The following IFT80 variants were observed in gnomAD, a reference collection of about 807,000 sequenced individuals.
IFT80 encodes intraflagellar transport 80, also known as intraflagellar transport protein 80 homolog.
Under a neutral mutation model 107.9 loss-of-function variants are expected in IFT80, and 79 were observed. That is an observed-to-expected ratio of 0.73 (90% CI 0.61 to 0.88). The LOEUF (loss-of-function observed/expected upper bound fraction) is 0.88. IFT80 is among the 40% of genes least tolerant of loss of function. IFT80 has a pLI of 0.00. For missense variants in IFT80, 797 were observed against 914.2 expected (o/e 0.87, Z 1.65); for synonymous variants, 299 against 300.9 (o/e 0.99, Z 0.07).
At chr3:160,370,740 C>T (rs546941178) in intron 5 of IFT80, among the ~76,000 whole-genome samples, 9 of 152,280 alleles carry the variant, frequency 5.9e-5, no homozygotes, top group Non-Finnish European at 1.2e-4. Context: ...TCAAGTTCTA[C>T]ATATCCAAAA....
At chr3:160,368,057 C>T (rs1263341668) in intron 5 of IFT80, among the ~76,000 whole-genome samples, 2 of 151,782 alleles carry the variant, frequency 1.3e-5, no homozygotes, top group Non-Finnish European at 2.9e-5. Context: ...TTCTGTGAAT[C>T]AACGAATCAA....
rs530736462 is a variant in IFT80 at position 160,257,289 on chromosome 3, TTGTG to T, written c.*1232_*1235del. 1 of 151,762 alleles carries T rather than the reference TTGTG, an allele frequency of 6.6e-6. No homozygotes were observed. Among genetic ancestry groups the T allele is most frequent in the African/African-American group, 2.4e-5 (1 of 41,310 alleles). 9.4% of individuals were successfully genotyped at this position (151,762 alleles called of 1,614,324 possible). On this transcript the variant is annotated 3_prime_UTR_variant, in exon 20 of 20. Transcript: ENST00000326448. The stretch of plus-strand genomic sequence containing the variant: ...TAAGAGAGGTAATCTCTCTATCCCT[TTGTG>T]TGTGTGTGTATATATATATATATCA...
intron 5 of IFT80, among the ~76,000 whole-genome samples, chr3:160,373,874 A>C (rs1711761103): frequency 6.6e-6 from 1 of 151,984 alleles, no homozygotes; most frequent in Non-Finnish European, 1.5e-5. Context: ...ATAAAGCTTT[A>C]CTCACTCGCC....
chr3:160,300,863 A>C lies in IFT80; in HGVS notation c.1315+20T>G. ...AACAAATTTCATATTTGACAGGAAA[A>C]ATTATAAAAATATACTTACTTTTTT... On this transcript the variant is annotated intron_variant, in intron 12 of 19. Coordinates refer to ENST00000326448, the MANE Select transcript of IFT80 (RefSeq NM_020800.3). 6.4e-7 allele frequency: 1 copy of C among 1,569,214 alleles called. No homozygotes were observed. The highest frequency in any genetic ancestry group is 8.7e-7 in the Non-Finnish European group (1 of 1,155,432).
intron 5 of IFT80, among the ~76,000 whole-genome samples, chr3:160,367,564 C>A (rs530080055): frequency 2.0e-5 from 3 of 152,080 alleles, no homozygotes; most frequent in African/African-American, 7.2e-5. Flanking sequence ...ATTTTGTTAT[C>A]TATTAGGTTT....
At chr3:160,350,134 G>A (rs559369199) in intron 8 of IFT80, among the ~76,000 whole-genome samples, 74 of 152,158 alleles carry the variant, frequency 4.9e-4, no homozygotes, top group African/African-American at 1.7e-3. Context: ...ATATGCAGAG[G>A]CCGGGCATGG....
rs758606810 is a variant in IFT80, at chr3:160,300,887, T to C, written c.1311A>G (p.Glu437=). ...AAATTATAAAAATATACTTACTTTT[T>C]TCATCAGCTTTGTCTCTTATTGCTA... ...DTIAIRDKAD[E]KIIFLFEAST... is the part of the protein sequence containing the mutation. The change falls in exon 12 of 20, where the codon GAA becomes GAG. Residue 437 remains glutamate (E), a synonymous_variant. Coordinates refer to ENST00000326448, the MANE Select transcript of IFT80 (RefSeq NM_020800.3). 23 of 1,599,424 alleles carry C rather than the reference T, an allele frequency of 1.4e-5. No individual in the cohort carries two copies. The highest frequency in any genetic ancestry group is 2.0e-5 in the Non-Finnish European group (23 of 1,173,668).
intron 19 of IFT80, among the ~76,000 whole-genome samples, chr3:160,265,301 C>T (rs1206767722): frequency 6.6e-6 from 1 of 152,178 alleles, no homozygotes; most frequent in Non-Finnish European, 1.5e-5. Flanking sequence ...AACTTAAAAC[C>T]TGTAAAGCAG....
intron 12 of IFT80, among the ~76,000 whole-genome samples, chr3:160,300,167 G>A (rs535281213): frequency 3.3e-5 from 5 of 152,136 alleles, no homozygotes; most frequent in Non-Finnish European, 7.4e-5. Context: ...TTCATAGCAT[G>A]TATCATTACC....
At chr3:160,314,303 G>A (rs1296214532) in intron 9 of IFT80, among the ~76,000 whole-genome samples, 1 of 151,988 alleles carries the variant, frequency 6.6e-6, no homozygotes, top group African/African-American at 2.4e-5. Context: ...GGTAACTTTG[G>A]GACACTAGAA....
At chr3:160,302,545 T>C (rs1169604878) in intron 11 of IFT80, among the ~76,000 whole-genome samples, 2 of 152,068 alleles carry the variant, frequency 1.3e-5, no homozygotes, top group African/African-American at 4.8e-5. Flanking sequence ...TCTATATACA[T>C]AAATAAGACC....
intron 9 of IFT80, among the ~76,000 whole-genome samples, chr3:160,308,455 T>A (rs1387676633): frequency 6.6e-6 from 1 of 152,092 alleles, no homozygotes; most frequent in Non-Finnish European, 1.5e-5. Flanking sequence ...TGGAAAAAAA[T>A]CTTGAAGTTG....
intron 19 of IFT80, among the ~76,000 whole-genome samples, chr3:160,264,090 C>T (rs1366180541): frequency 6.6e-6 from 1 of 151,828 alleles, no homozygotes; most frequent in Admixed American, 6.6e-5. Flanking sequence ...GCTTGAGCCA[C>T]TGCGCATAGC....
intron 9 of IFT80, among the ~76,000 whole-genome samples, chr3:160,316,328 C>A (rs926271764): frequency 2.0e-5 from 3 of 152,110 alleles, no homozygotes; most frequent in Non-Finnish European, 4.4e-5. Flanking sequence ...AGCTTGAAAG[C>A]AAATCTTTCC....
intron 1 of IFT80, chr3:160,394,099 C>A (rs1713591846): frequency 6.6e-6 from 1 of 152,184 alleles, no homozygotes; most frequent in Non-Finnish European, 1.5e-5. Context: ...ACAGAACTTG[C>A]ACACTTGAGC....
intron 8 of IFT80, among the ~76,000 whole-genome samples, chr3:160,346,704 C>T (rs754205732): frequency 6.6e-6 from 1 of 151,586 alleles, no homozygotes; most frequent in Non-Finnish European, 1.5e-5. Context: ...GTCTCCATTC[C>T]GTTATCTCAG....
At chr3:160,309,501 T>C (rs919215092) in intron 9 of IFT80, among the ~76,000 whole-genome samples, 3 of 152,086 alleles carry the variant, frequency 2.0e-5, no homozygotes, top group Non-Finnish European at 4.4e-5. Context: ...TCCTGGCTAA[T>C]GCGGTGAAAC....
At chr3:160,384,679 C>A in intron 1 of IFT80, 33 bp from the exon 2 acceptor site, 1 of 1,524,132 alleles carries the variant, frequency 6.6e-7, no homozygotes, top group South Asian at 1.2e-5. Context: ...AATATAAAGT[C>A]AGCATTAAAA....
At chr3:160,358,168 C>A (rs937527886) in intron 6 of IFT80, among the ~76,000 whole-genome samples, 2 of 151,734 alleles carry the variant, frequency 1.3e-5, no homozygotes, top group African/African-American at 4.8e-5. Flanking sequence ...CCACCACACC[C>A]AGCTACTTTT....
Sources: gnomAD v4.1 joint callset for allele counts (sites outside exome capture counted in the v4.1 genomes callset) on GRCh38, gnomAD v4.1.1 for gene constraint, MANE v1.5 for transcripts, NCBI Gene and HGNC (gene_info 2026-07-23, HGNC 2026-07-21) for gene names.